SNX24: variants seen among roughly 807,000 people sequenced by gnomAD.
SNX24 encodes the protein sorting nexin-24.
In SNX24, 22 loss-of-function variants were observed where a neutral mutation model predicts 28.7. That is an observed-to-expected ratio of 0.77 (90% CI 0.55 to 1.10). The LOEUF is 1.10. SNX24 is among the 50% of genes least tolerant of loss of function. The probability of loss-of-function intolerance (pLI) is 0.00; values close to 1 mark genes in which losing one functional copy is unlikely to be tolerated. For synonymous variants in SNX24, 69 were observed against 71.5 expected (o/e 0.96, Z 0.18); for missense variants, 221 against 201.1 (o/e 1.10, Z -0.60).
At chr5:122,933,153 T>C (rs528141022) in intron 1 of SNX24, among the ~76,000 whole-genome samples, 1 of 152,356 alleles carries the variant, frequency 6.6e-6, no homozygotes, top group South Asian at 2.1e-4. Flanking sequence ...GTTGTTAAAC[T>C]GGACTAAAAC....
At chr5:122,911,494 T>G (rs1233362829) in intron 1 of SNX24, among the ~76,000 whole-genome samples, 1 of 151,326 alleles carries the variant, frequency 6.6e-6, no homozygotes, top group South Asian at 2.1e-4. Context: ...TTTGTCAATT[T>G]TGGCTTTTGT....
chr5:122,871,565 C>G (rs763477338), intron 1 of SNX24, among the ~76,000 whole-genome samples: 1 of 151,992 alleles, frequency 6.6e-6, no homozygotes, highest in Non-Finnish European at 1.5e-5. Flanking sequence ...GTCAGGAGTT[C>G]GAGACCAGCC....
intron 1 of SNX24, among the ~76,000 whole-genome samples, chr5:122,935,717 A>G (rs527533364): frequency 1.4e-5 from 1 of 72,150 alleles, no homozygotes; most frequent in East Asian, 7.0e-3. Context: ...GCGACCTTGT[A>G]TGTCATATGC....
At chr5:123,003,528 C>G (rs1762319832) in intron 6 of SNX24, among the ~76,000 whole-genome samples, 1 of 152,082 alleles carries the variant, frequency 6.6e-6, no homozygotes. Context: ...TGTTTATGCT[C>G]AGATATGTCA....
chr5:122,849,757 C>A (rs1352506391), intron 1 of SNX24, among the ~76,000 whole-genome samples: 3 of 152,166 alleles, frequency 2.0e-5, no homozygotes, highest in Non-Finnish European at 4.4e-5. Flanking sequence ...TATAAACTCC[C>A]CAAGTATCCC....
intron 3 of SNX24, among the ~76,000 whole-genome samples, chr5:122,947,723 T>A (rs72798705): frequency 1.3e-5 from 2 of 152,152 alleles, no homozygotes; most frequent in East Asian, 1.9e-4. Flanking sequence ...AGAAATTGTA[T>A]GCAAAGAGTA....
rs1428302715 is a variant in SNX24 at position 122,890,688 on chromosome 5, C to G, written c.60+44995C>G. Among the ~76,000 whole-genome samples, 3 of 152,062 alleles carry G rather than the reference C, an allele frequency of 2.0e-5. No individual in the cohort carries two copies. The East Asian group carries it at 5.8e-4, about 29-fold the overall frequency. ...GTTTCACCCTGTTGGCCAGGCTGGT[C>G]TCGAACTTCTGACCTCAAGTGATCT... On this transcript the variant is annotated intron_variant, in intron 1 of 6. Coordinates refer to ENST00000261369, the MANE Select transcript of SNX24 (RefSeq NM_014035.4).
At chr5:122,892,410 T>G (rs1002175995) in intron 1 of SNX24, among the ~76,000 whole-genome samples, 4 of 152,116 alleles carry the variant, frequency 2.6e-5, no homozygotes, top group Admixed American at 1.3e-4. Context: ...ATTTTCTACC[T>G]GTCATTTCCT....
intron 3 of SNX24, among the ~76,000 whole-genome samples, chr5:122,997,829 G>A (rs1259553921): frequency 3.9e-5 from 6 of 151,904 alleles, no homozygotes; most frequent in African/African-American, 1.5e-4. Context: ...GCAACCACTT[G>A]TACAGATAAT....
chr5:122,959,423 C>T (rs2150137075), intron 3 of SNX24, among the ~76,000 whole-genome samples: 1 of 150,828 alleles, frequency 6.6e-6, no homozygotes. Context: ...AGAGACAAGA[C>T]AAGGTCTTGC....
intron 1 of SNX24, among the ~76,000 whole-genome samples, chr5:122,912,309 T>C (rs1420288388): frequency 3.2e-4 from 48 of 148,004 alleles, no homozygotes; most frequent in African/African-American, 1.1e-3. Flanking sequence ...GTGATTTTTG[T>C]ACATTGATTT....
intron 5 of SNX24, chr5:123,025,901 C>A (rs747487256): frequency 2.5e-6 from 4 of 1,613,668 alleles, no homozygotes. Flanking sequence ...CCATGCTGAC[C>A]CACCCAATGC....
At chr5:122,945,686 T>C (rs1432488621) in intron 2 of SNX24, among the ~76,000 whole-genome samples, 2 of 152,230 alleles carry the variant, frequency 1.3e-5, no homozygotes, top group South Asian at 2.1e-4. Context: ...AGACTTCTTA[T>C]CAGCAAAGTC....
intron 1 of SNX24, among the ~76,000 whole-genome samples, chr5:122,865,904 G>T (rs1184279292): frequency 6.6e-6 from 1 of 152,152 alleles, no homozygotes; most frequent in Non-Finnish European, 1.5e-5. Context: ...GAATCCTTGA[G>T]TGATGTTTAC....
intron 1 of SNX24, among the ~76,000 whole-genome samples, chr5:122,860,800 G>A (rs1428638799): frequency 6.6e-6 from 1 of 151,948 alleles, no homozygotes; most frequent in African/African-American, 2.4e-5. Context: ...GTTTCACTGT[G>A]TTAGCCAGGA....
chr5:122,984,558 C>G (rs919091246), intron 3 of SNX24, among the ~76,000 whole-genome samples: 3 of 152,090 alleles, frequency 2.0e-5, no homozygotes, highest in Non-Finnish European at 4.4e-5. Flanking sequence ...TACTCTGACC[C>G]AAAAACCCTC....
rs1039166267 is a variant in SNX24, at chr5:122,884,564, CA to C, written c.60+38872del. Among the ~76,000 whole-genome samples, 30 of 151,860 alleles carry C rather than the reference CA, an allele frequency of 2.0e-4. No individual in the cohort carries two copies. In the East Asian group the frequency reaches 2.3e-3, roughly 12 times the overall value. On this transcript the variant is annotated intron_variant, in intron 1 of 6. Coordinates refer to ENST00000261369, the MANE Select transcript of SNX24 (RefSeq NM_014035.4). ...GCACACCCAGCCTGTTTCTTTATCACATAAAAAAAAATGTATTTCTCTCAAT... is the reference window on the plus strand; with the variant it reads ...GCACACCCAGCCTGTTTCTTTATCACTAAAAAAAAATGTATTTCTCTCAAT...
At position 123,006,652 on chromosome 5, in the gene SNX24, C is replaced by T. The variant is rs117810001; in HGVS notation, c.443-1030C>T. Among the ~76,000 whole-genome samples, 55 of 152,362 alleles carry T rather than the reference C, an allele frequency of 3.6e-4. 1 individual carries two copies. In the East Asian group the frequency reaches 0.01, roughly 29 times the overall value. On this transcript the variant is annotated intron_variant, in intron 6 of 6. Coordinates refer to ENST00000261369, the MANE Select transcript of SNX24 (RefSeq NM_014035.4). ...CATTCTTCCCAGGTGTGATGGGGCA[C>T]CCCGTGCCCTCCAGCCTCCTCATTC...
At chr5:122,890,961 A>C (rs1756941905) in intron 1 of SNX24, 3 of 1,266,222 alleles carry the variant, frequency 2.4e-6, no homozygotes, top group Non-Finnish European at 3.0e-6. Context: ...TTTTAAAGTA[A>C]AATTTAAATA....
Sources: gnomAD v4.1 joint callset for allele counts (sites outside exome capture counted in the v4.1 genomes callset) on GRCh38, gnomAD v4.1.1 for gene constraint, MANE v1.5 for transcripts, NCBI Gene and HGNC (gene_info 2026-07-23, HGNC 2026-07-21) for gene names.